The following KSR2 variants were observed in gnomAD, a reference collection of about 807,000 sequenced individuals.
KSR2 encodes kinase suppressor of ras 2.
A neutral mutation model predicts 107.8 loss-of-function variants in KSR2; 25 were observed. That is an observed-to-expected ratio of 0.23 (90% CI 0.17 to 0.32). The LOEUF is 0.32. KSR2 is among the 10% of genes least tolerant of loss of function. KSR2 has a pLI of 1.00. For synonymous variants in KSR2, 480 were observed against 507.0 expected (o/e 0.95, Z 0.71); for missense variants, 887 against 1,268.9 (o/e 0.70, Z 4.57).
At chr12:117,740,574 ATAT>A (rs1470507482) in intron 4 of KSR2, among the ~76,000 whole-genome samples, 2 of 106,368 alleles carry the variant, frequency 1.9e-5, no homozygotes, top group Non-Finnish European at 3.8e-5. Context: ...TATATAACAT[ATAT>A]TATATATGTA....
intron 1 of KSR2, among the ~76,000 whole-genome samples, chr12:117,901,207 TAAAC>T (rs2063674070): frequency 1.3e-5 from 2 of 151,788 alleles, no homozygotes; most frequent in Non-Finnish European, 1.5e-5. Context: ...ATATGATAAA[TAAAC>T]AATAAAGTAG....
intron 9 of KSR2, among the ~76,000 whole-genome samples, chr12:117,541,500 A>T (rs1876490714): frequency 6.6e-6 from 1 of 152,162 alleles, no homozygotes; most frequent in Admixed American, 6.5e-5. Flanking sequence ...CCTCCACATG[A>T]TATAAAAGGG....
chr12:117,632,672 G>A (rs1593072192), intron 5 of KSR2, among the ~76,000 whole-genome samples: 1 of 151,972 alleles, frequency 6.6e-6, no homozygotes, highest in Non-Finnish European at 1.5e-5. Flanking sequence ...GCTGTTTTTC[G>A]ATCCTCTCCC....
At chr12:117,887,522 G>C (rs1894210986) in intron 1 of KSR2, among the ~76,000 whole-genome samples, 1 of 152,190 alleles carries the variant, frequency 6.6e-6, no homozygotes, top group African/African-American at 2.4e-5. Context: ...GAACCACGTG[G>C]AGCAGAACAG....
intron 11 of KSR2, among the ~76,000 whole-genome samples, chr12:117,531,398 C>G (rs553716329): frequency 1.6e-4 from 24 of 152,320 alleles, no homozygotes; most frequent in African/African-American, 5.8e-4. Flanking sequence ...CCACATGGCT[C>G]TAGACCCCTC....
intron 9 of KSR2, among the ~76,000 whole-genome samples, chr12:117,548,106 A>C (rs894398049): frequency 1.3e-5 from 2 of 151,846 alleles, no homozygotes; most frequent in African/African-American, 4.8e-5. Flanking sequence ...AAAAAAAAAA[A>C]GTCTTAGGGA....
chr12:117,520,418 C>T (rs1874679056), intron 14 of KSR2, among the ~76,000 whole-genome samples: 1 of 152,172 alleles, frequency 6.6e-6, no homozygotes, highest in South Asian at 2.1e-4. Flanking sequence ...CTCAGCCACG[C>T]CACCTAGCAT....
chr12:117,949,125 T>C (rs1037140564), intron 1 of KSR2, among the ~76,000 whole-genome samples: 5 of 151,386 alleles, frequency 3.3e-5, no homozygotes, highest in Non-Finnish European at 7.4e-5. Flanking sequence ...TAAAAACATA[T>C]ATAAATAAAA....
intron 3 of KSR2, among the ~76,000 whole-genome samples, chr12:117,824,672 C>T (rs1019408474): frequency 5.3e-5 from 8 of 151,670 alleles, no homozygotes; most frequent in Non-Finnish European, 1.2e-4. Context: ...CTGGCTAACA[C>T]AGTGAAACCC....
chr12:117,929,733 A>C (rs1895644866), intron 1 of KSR2, among the ~76,000 whole-genome samples: 1 of 152,260 alleles, frequency 6.6e-6, no homozygotes, highest in African/African-American at 2.4e-5. Flanking sequence ...CAAAAACATT[A>C]GGTTAAGTGA....
chr12:117,857,983 G>C (rs1406081746), intron 2 of KSR2, among the ~76,000 whole-genome samples: 10 of 152,208 alleles, frequency 6.6e-5, no homozygotes, highest in Admixed American at 6.5e-4. Flanking sequence ...CAAAACTCAG[G>C]TACCTGCAGG....
intron 4 of KSR2, among the ~76,000 whole-genome samples, chr12:117,678,784 T>C (rs1392203810): frequency 6.6e-6 from 1 of 152,204 alleles, no homozygotes; most frequent in Non-Finnish European, 1.5e-5. Flanking sequence ...CAGCAGGGAC[T>C]GAATTCCAAA....
At position 117,487,110 on chromosome 12, in the gene KSR2, C is replaced by T. The variant is rs115607903; in HGVS notation, c.2220-1419G>A. ...GAAATCAGGCATGTAAAGGTGTAGGCACCTCTCTATGCCTAGTACATTTCA... is the reference window on the plus strand; with the variant it reads ...GAAATCAGGCATGTAAAGGTGTAGGTACCTCTCTATGCCTAGTACATTTCA... On this transcript the variant is annotated intron_variant, in intron 14 of 19. Transcript: ENST00000339824. 2.8e-3 allele frequency among the ~76,000 whole-genome samples: 420 copies of T among 152,326 alleles called. 2 individuals are homozygous for T. The highest frequency in any genetic ancestry group is 9.4e-3 in the African/African-American group (391 of 41,566).
intron 3 of KSR2, among the ~76,000 whole-genome samples, chr12:117,797,301 A>G (rs1285206803): frequency 6.6e-6 from 1 of 152,260 alleles, no homozygotes; most frequent in African/African-American, 2.4e-5. Flanking sequence ...TTATTCAGCC[A>G]TAAAAAGGAA....
In KSR2 at chr12:117,698,769, G is replaced by C. The variant is rs80106702; in HGVS notation, c.987-31111C>G. Reference sequence around the variant, plus strand: ...TGTGTCATGTTCCATCCACTCGTCAGCTTTATTTTCCTCCTTGTTTTCTCC... The same window carrying C: ...TGTGTCATGTTCCATCCACTCGTCACCTTTATTTTCCTCCTTGTTTTCTCC... On this transcript the variant is annotated intron_variant, in intron 4 of 19. Transcript: ENST00000339824. 8.6e-3 allele frequency among the ~76,000 whole-genome samples: 1,315 copies of C among 152,222 alleles called. 12 individuals carry two copies. The highest frequency in any genetic ancestry group is 0.03 in the African/African-American group (1,260 of 41,548).
At chr12:117,650,877 G>C (rs1445730762) in intron 5 of KSR2, among the ~76,000 whole-genome samples, 2 of 152,194 alleles carry the variant, frequency 1.3e-5, no homozygotes, top group Non-Finnish European at 2.9e-5. Flanking sequence ...CCCTGAGTGA[G>C]TCTTATCTCC....
At chr12:117,638,844 T>G (rs1883226725) in intron 5 of KSR2, among the ~76,000 whole-genome samples, 1 of 152,130 alleles carries the variant, frequency 6.6e-6, no homozygotes, top group East Asian at 1.9e-4. Context: ...CAGCACAAAA[T>G]TTAAGGGGAT....
intron 5 of KSR2, among the ~76,000 whole-genome samples, chr12:117,652,643 C>G (rs1447739100): frequency 4.6e-5 from 7 of 152,128 alleles, no homozygotes; most frequent in Non-Finnish European, 1.5e-5. Flanking sequence ...CCATCCTTCC[C>G]CAAGGACACC....
intron 3 of KSR2, among the ~76,000 whole-genome samples, chr12:117,810,966 A>G (rs772183706): frequency 6.6e-6 from 1 of 152,214 alleles, no homozygotes; most frequent in Non-Finnish European, 1.5e-5. Context: ...ATGTGCTGTG[A>G]TATCTTTCAA....
Sources: gnomAD v4.1 joint callset for allele counts (sites outside exome capture counted in the v4.1 genomes callset) on GRCh38, gnomAD v4.1.1 for gene constraint, MANE v1.5 for transcripts, NCBI Gene and HGNC (gene_info 2026-07-23, HGNC 2026-07-21) for gene names.